Variants in DAAM1 observed in about 807,000 individuals in gnomAD.
DAAM1 encodes dishevelled associated activator of morphogenesis 1, also known as disheveled-associated activator of morphogenesis 1.
Under a neutral mutation model 130.0 loss-of-function variants are expected in DAAM1, and 52 were observed. That is an observed-to-expected ratio of 0.40 (90% CI 0.32 to 0.50). DAAM1 has a LOEUF of 0.50. DAAM1 is among the 20% of genes least tolerant of loss of function. The pLI, the probability that DAAM1 is intolerant of heterozygous loss-of-function variation, is 0.61. For synonymous variants in DAAM1, 452 were observed against 444.5 expected (o/e 1.02, Z -0.21); for missense variants, 1,134 against 1,303.8 (o/e 0.87, Z 2.01).
intron 3 of DAAM1, among the ~76,000 whole-genome samples, chr14:59,301,315 A>C (rs917619474): frequency 4.6e-4 from 70 of 152,188 alleles, no homozygotes; most frequent in African/African-American, 1.7e-3. Context: ...AAAAGTACAA[A>C]ATATTAGAAG....
At chr14:59,262,365 A>G (rs960762805) in intron 1 of DAAM1, among the ~76,000 whole-genome samples, 3 of 152,168 alleles carry the variant, frequency 2.0e-5, no homozygotes, top group African/African-American at 7.2e-5. Flanking sequence ...TCAACTGGAA[A>G]TCTTTCCAAG....
chr14:59,280,458 T>C (rs998818570), intron 2 of DAAM1, among the ~76,000 whole-genome samples: 1 of 148,828 alleles, frequency 6.7e-6, no homozygotes, highest in Non-Finnish European at 1.5e-5. Context: ...AATCAAATAA[T>C]CCTCACTATA....
intron 12 of DAAM1, 138 bp downstream of exon 12, chr14:59,327,129 A>G (rs1885234452): frequency 1.1e-5 from 9 of 854,840 alleles, no homozygotes; most frequent in Admixed American, 4.8e-5. Context: ...TTTTAAGGGC[A>G]TTTTGCACTG....
At position 59,249,827 on chromosome 14, in the gene DAAM1, C is replaced by T. The variant is rs146086909; in HGVS notation, c.-37-13614C>T. On this transcript the variant is annotated intron_variant, in intron 1 of 24. Transcript: ENST00000360909. ...CAGCTTTAAAATTGCTGCAGCCACACATTCAGTGTCTTAAGTAGGATAAAA... is the reference window on the plus strand; with the variant it reads ...CAGCTTTAAAATTGCTGCAGCCACATATTCAGTGTCTTAAGTAGGATAAAA... 1.2e-3 allele frequency among the ~76,000 whole-genome samples: 182 copies of T among 152,278 alleles called. 1 individual carries two copies. Among genetic ancestry groups the T allele is most frequent in the African/African-American group, 4.1e-3 (169 of 41,550 alleles).
intron 17 of DAAM1, among the ~76,000 whole-genome samples, chr14:59,350,432 G>A (rs1432066280): frequency 6.9e-6 from 1 of 144,120 alleles, no homozygotes; most frequent in African/African-American, 2.6e-5. Context: ...ATACACCCCT[G>A]CATGCACACC....
intron 1 of DAAM1, among the ~76,000 whole-genome samples, chr14:59,201,420 C>G (rs568860214): frequency 6.6e-6 from 1 of 151,868 alleles, no homozygotes; most frequent in African/African-American, 2.4e-5. Flanking sequence ...GTCAGGAGCT[C>G]GAGACCAGCC....
rs200242388 is a variant in DAAM1 at position 59,315,272 on chromosome 14, C to T, written c.274-8C>T. 1.1e-5 allele frequency: 18 copies of T among 1,613,546 alleles called. No individual in the cohort carries two copies. Among genetic ancestry groups the T allele is most frequent in the Middle Eastern group, 1.6e-4 (1 of 6,080 alleles). On this transcript the variant is annotated splice_polypyrimidine_tract_variant and splice_region_variant and intron_variant, in intron 3 of 24. Transcript: ENST00000360909. The stretch of plus-strand genomic sequence containing the variant: ...GGTGGTATGTCACTTTTTTTCCCCC[C>T]TTTTTAGGACCAGGAAGAAAACAAG...
intron 11 of DAAM1, 84 bp downstream of exon 11, chr14:59,326,732 G>A: frequency 1.3e-6 from 2 of 1,567,996 alleles, no homozygotes; most frequent in Non-Finnish European, 1.7e-6. Context: ...GTAACAGCTG[G>A]GAGAGCTGAA....
At chr14:59,203,158 A>ATTTTTTTTTTTTT (rs57437992) in intron 1 of DAAM1, among the ~76,000 whole-genome samples, 3 of 108,114 alleles carry the variant, frequency 2.8e-5, no homozygotes, top group Admixed American at 1.1e-4. Flanking sequence ...CTTCTGGCTA[A>ATTTTTTTTTTTTT]TTTTTTTTTT....
intron 20 of DAAM1, chr14:59,357,202 G>A (rs1886516845): frequency 6.6e-6 from 1 of 152,234 alleles, no homozygotes; most frequent in Non-Finnish European, 1.5e-5. Flanking sequence ...CAAGAAAGAT[G>A]TGTATGGTTA....
chr14:59,349,435 A>G (rs1281389925), intron 17 of DAAM1, among the ~76,000 whole-genome samples: 4 of 152,254 alleles, frequency 2.6e-5, no homozygotes, highest in African/African-American at 9.6e-5. Context: ...CAAGTAGGAT[A>G]TTTTTTGACC....
At position 59,322,888 on chromosome 14, in the gene DAAM1, A is replaced by C. The variant is rs754756459; in HGVS notation, c.441-4A>C. Reference sequence around the variant, plus strand: ...TAAGCATGGTGCATTTCTCTTCATGACAGGTTTGTAACCAGATTCATCGAC... The same window carrying C: ...TAAGCATGGTGCATTTCTCTTCATGCCAGGTTTGTAACCAGATTCATCGAC... On this transcript the variant is annotated splice_polypyrimidine_tract_variant and splice_region_variant and intron_variant, in intron 5 of 24. Transcript: ENST00000360909. The C allele has an allele frequency of 1.5e-5, 24 of 1,602,366 alleles. No individual in the cohort carries two copies. The highest frequency in any genetic ancestry group is 2.0e-5 in the Non-Finnish European group (24 of 1,172,262).
chr14:59,303,131 G>A (rs900735867), intron 3 of DAAM1, among the ~76,000 whole-genome samples: 6 of 152,138 alleles, frequency 3.9e-5, no homozygotes, highest in Non-Finnish European at 5.9e-5. Flanking sequence ...GACTGTGCGA[G>A]GCCCTTTGAA....
chr14:59,305,283 C>A (rs1884333330), intron 3 of DAAM1, among the ~76,000 whole-genome samples: 1 of 152,162 alleles, frequency 6.6e-6, no homozygotes, highest in African/African-American at 2.4e-5. Context: ...GTGTCATAGG[C>A]ACAGTGCCTG....
chr14:59,272,606 TATACAC>T (rs774746194), intron 2 of DAAM1, among the ~76,000 whole-genome samples: 9,668 of 96,274 alleles, frequency 0.1, 402 homozygotes, highest in Non-Finnish European at 0.14. Flanking sequence ...AATATATATA[TATACAC>T]ACACACACAC....
intron 2 of DAAM1, among the ~76,000 whole-genome samples, chr14:59,288,920 G>T (rs1883591188): frequency 6.6e-6 from 1 of 150,698 alleles, no homozygotes; most frequent in Non-Finnish European, 1.5e-5. Context: ...TTTTTTTGTT[G>T]TTGTTTTTGT....
intron 1 of DAAM1, among the ~76,000 whole-genome samples, chr14:59,213,603 A>C (rs1419219356): frequency 6.6e-6 from 1 of 152,112 alleles, no homozygotes; most frequent in Non-Finnish European, 1.5e-5. Context: ...TGGAAAGAAA[A>C]ATTGTTTACA....
intron 16 of DAAM1, among the ~76,000 whole-genome samples, chr14:59,347,007 G>T (rs1432520202): frequency 6.6e-6 from 1 of 151,868 alleles, no homozygotes; most frequent in African/African-American, 2.4e-5. Context: ...TGGCCATTCT[G>T]GGCCCCAGTT....
rs1201588956 is a variant in DAAM1, at chr14:59,363,801, C to G, written c.2826+19C>G. 6.2e-7 allele frequency: 1 copy of G among 1,612,378 alleles called. No homozygotes were observed. The highest frequency in any genetic ancestry group is 8.5e-7 in the Non-Finnish European group (1 of 1,179,730). On this transcript the variant is annotated intron_variant, in intron 23 of 24. Coordinates refer to ENST00000360909, the MANE Select transcript of DAAM1 (RefSeq NM_001270520.2). Reference sequence around the variant, plus strand: ...AGACCTGGTAAGTTTCCCCCTTGTGCACTGAGTGTTGTTTGACCGGGCTGG... The same window carrying G: ...AGACCTGGTAAGTTTCCCCCTTGTGGACTGAGTGTTGTTTGACCGGGCTGG...
Sources: gnomAD v4.1 joint callset for allele counts (sites outside exome capture counted in the v4.1 genomes callset) on GRCh38, gnomAD v4.1.1 for gene constraint, MANE v1.5 for transcripts, NCBI Gene and HGNC (gene_info 2026-07-23, HGNC 2026-07-21) for gene names.